Variants in TRNP1 observed in about 807,000 individuals in gnomAD.
The protein encoded by TRNP1 is TMF1 regulated nuclear protein 1.
TRNP1 carries 16 observed loss-of-function variants against 12.2 expected under a neutral mutation model. The observed-to-expected ratio is 1.31, with a 90% CI of 0.89 to 1.99. The LOEUF is 1.99. TRNP1 is among the 30% of genes most tolerant of loss of function. The probability of loss-of-function intolerance (pLI) is 0.00; values close to 1 mark genes in which losing one functional copy is unlikely to be tolerated. For missense variants in TRNP1, 338 were observed against 330.4 expected, an observed-to-expected ratio of 1.02 and a Z score of -0.18; for synonymous variants, 139 against 166.2, an observed-to-expected ratio of 0.84 and a Z score of 1.26.
At chr1:26,998,251 TTTGG>T (rs972655566) in intron 1 of TRNP1, among the ~76,000 whole-genome samples, 1 of 152,038 alleles carries the variant, frequency 6.6e-6, no homozygotes, top group Non-Finnish European at 1.5e-5. Context: ...AGGAAGCTCC[TTTGG>T]TTGGGCTGAG....
chr1:26,997,314 T>G (rs145712908), intron 1 of TRNP1, among the ~76,000 whole-genome samples: 1,120 of 74,564 alleles, frequency 0.015, 14 homozygotes, highest in African/African-American at 0.05. Context: ...AGACTGTGTC[T>G]CAAGAAAAAA....
At chr1:26,997,772 G>T (rs1346081299) in intron 1 of TRNP1, among the ~76,000 whole-genome samples, 2 of 152,144 alleles carry the variant, frequency 1.3e-5, no homozygotes, top group African/African-American at 4.8e-5. Flanking sequence ...TCTAATCTGG[G>T]ACCTGCCCCT....
At chr1:26,995,549 T>A (rs1216032489) in intron 1 of TRNP1, among the ~76,000 whole-genome samples, 1 of 152,232 alleles carries the variant, frequency 6.6e-6, no homozygotes, top group Non-Finnish European at 1.5e-5. Context: ...TCTCTTAACC[T>A]CCCAGAGGGG....
Position 26,994,626 on chromosome 1 carries a change from G to T in TRNP1, c.*142+14G>T. The T allele has an allele frequency of 4.2e-6, 2 of 472,000 alleles. No individual in the cohort carries two copies. Among genetic ancestry groups the T allele is most frequent in the Non-Finnish European group, 5.8e-6 (2 of 344,482 alleles). The allele number at this position is 472,000 out of a possible 1,614,324, so 29.2% of individuals were successfully genotyped here. A position where few individuals can be genotyped will look rare whatever the true frequency, so the allele number is the denominator to read the frequency against. On this transcript the variant is annotated intron_variant, in intron 1 of 1. Coordinates refer to ENST00000522111, the MANE Select transcript of TRNP1 (RefSeq NM_001013642.3). This position sits in a 1 kb window ranked among gnomAD's most constrained non-coding sequence, Gnocchi z 6.9. The stretch of plus-strand genomic sequence containing the variant: ...GAGGAGGCTGAGGTGCGGTCTTAGC[G>T]GCTGGTGCGTTCGAGGGTCGGTCAT...
chr1:26,998,096 G>C (rs1452091015), intron 1 of TRNP1, among the ~76,000 whole-genome samples: 1 of 152,024 alleles, frequency 6.6e-6, no homozygotes, highest in African/African-American at 2.4e-5. Flanking sequence ...TTTGAAAGGG[G>C]AGCAAGGCCG....
chr1:26,995,779 T>G (rs1325861539), intron 1 of TRNP1, among the ~76,000 whole-genome samples: 1 of 152,194 alleles, frequency 6.6e-6, no homozygotes, highest in Non-Finnish European at 1.5e-5. Flanking sequence ...TACAGGCATG[T>G]GCCACTATGC....
At chr1:26,997,795 C>T (rs1557699375) in intron 1 of TRNP1, among the ~76,000 whole-genome samples, 1 of 152,162 alleles carries the variant, frequency 6.6e-6, no homozygotes, top group Non-Finnish European at 1.5e-5. Context: ...ACTGGATAAC[C>T]ATGTGAGCGT....
chr1:26,994,421 C>T lies in TRNP1; in HGVS notation c.635C>T (p.Ser212Leu), dbSNP rs2082534850. The change falls in exon 1 of 2, where the codon TCG (serine) becomes TTG (leucine). Residue 212 changes from serine to leucine, a missense_variant. By Grantham distance (145) the Ser-to-Leu change is moderately radical. Coordinates refer to ENST00000522111, the MANE Select transcript of TRNP1 (RefSeq NM_001013642.3). The surrounding 1 kb of genome is among the most constrained non-coding windows in gnomAD (Gnocchi z 6.9). ...CGCGGCCACGGCCCCGAGCCCGACTCGCCCTTCCGCCGCAGCCCGCCCCGC... is the reference window on the plus strand; with the variant it reads ...CGCGGCCACGGCCCCGAGCCCGACTTGCCCTTCCGCCGCAGCCCGCCCCGC... ...LRRGHGPEPD[S>L]PFRRSPPRGP... The T allele has an allele frequency of 7.7e-6, 9 of 1,168,998 alleles. No homozygotes were observed. The highest frequency in any genetic ancestry group is 1.6e-5 in the African/African-American group (1 of 62,062). 72.4% of individuals were successfully genotyped at this position (1,168,998 alleles called of 1,614,324 possible). A position where few individuals can be genotyped will look rare whatever the true frequency, so the allele number is the denominator to read the frequency against.
chr1:26,993,732 T>A lies in TRNP1; in HGVS notation c.-55T>A. 1 of 1,262,788 alleles carries A rather than the reference T, an allele frequency of 7.9e-7. No homozygotes were observed. Among genetic ancestry groups the A allele is most frequent in the South Asian group, 2.6e-5 (1 of 38,320 alleles). The allele number at this position is 1,262,788 out of a possible 1,614,324, so 78.2% of individuals were successfully genotyped here. ...GCCGTGTCTAGCTGTTCGGGTGTGC[T>A]GTGGTCATCCTCCCTGCGCACCTAC... On this transcript the variant is annotated 5_prime_UTR_variant, in exon 1 of 2. Coordinates refer to ENST00000522111, the MANE Select transcript of TRNP1 (RefSeq NM_001013642.3).
At position 27,000,763 on chromosome 1, in the gene TRNP1, C is replaced by T. The variant is rs747860602; in HGVS notation, c.*1059C>T. On this transcript the variant is annotated 3_prime_UTR_variant, in exon 2 of 2. Transcript: ENST00000522111. The stretch of plus-strand genomic sequence containing the variant: ...TCCTGGAGCAGCTTGTATTTAGTTT[C>T]GTTTGGCAGTCTGGCCCTGTTGACT... The T allele has an allele frequency of 2.6e-5, 4 of 152,248 alleles. No homozygotes were observed. Among genetic ancestry groups the T allele is most frequent in the East Asian group, 3.9e-4 (2 of 5,186 alleles). 9.4% of individuals were successfully genotyped at this position (152,248 alleles called of 1,614,324 possible). A position where few individuals can be genotyped will look rare whatever the true frequency, so the allele number is the denominator to read the frequency against.
chr1:26,996,149 T>A (rs1164630269), intron 1 of TRNP1, among the ~76,000 whole-genome samples: 1 of 152,214 alleles, frequency 6.6e-6, no homozygotes, highest in African/African-American at 2.4e-5. Context: ...GTCTGCTCTG[T>A]GACTTAGAAC....
chr1:26,997,147 G>T (rs924475409), intron 1 of TRNP1, among the ~76,000 whole-genome samples: 1 of 151,798 alleles, frequency 6.6e-6, no homozygotes, highest in African/African-American at 2.4e-5. Context: ...GACCAGGCTG[G>T]CCAACATAGT....
chr1:26,997,097 G>A (rs925725167), intron 1 of TRNP1, among the ~76,000 whole-genome samples: 8 of 151,390 alleles, frequency 5.3e-5, no homozygotes, highest in Non-Finnish European at 1.0e-4. Context: ...AGCACTTTGG[G>A]AGGCCCACGA....
Position 27,000,465 on chromosome 1 carries a change from G to GC in TRNP1, c.*762dup, listed in dbSNP as rs1434184497. On this transcript the variant is annotated 3_prime_UTR_variant, in exon 2 of 2. Coordinates refer to ENST00000522111, the MANE Select transcript of TRNP1 (RefSeq NM_001013642.3). ...ACCTTTTTCTCAGGAAGAGGTGATG[G>GC]CAATGTAAAACATCTAAGCAAAGTT... 3 of 152,500 alleles carry GC rather than the reference G, an allele frequency of 2.0e-5. No homozygotes were observed. The highest frequency in any genetic ancestry group is 7.2e-5 in the African/African-American group (3 of 41,412). 9.4% of individuals were successfully genotyped at this position (152,500 alleles called of 1,614,324 possible). A position where few individuals can be genotyped will look rare whatever the true frequency, so the allele number is the denominator to read the frequency against.
chr1:26,993,754 C>T lies in TRNP1; in HGVS notation c.-33C>T. 2 of 1,287,274 alleles carry T rather than the reference C, an allele frequency of 1.6e-6. No homozygotes were observed. The highest frequency in any genetic ancestry group is 2.0e-6 in the Non-Finnish European group (2 of 1,018,620). The allele number at this position is 1,287,274 out of a possible 1,614,324, so 79.7% of individuals were successfully genotyped here. Reference sequence around the variant, plus strand: ...TGCTGTGGTCATCCTCCCTGCGCACCTACAGCCGCAGACCGCCGGTGGGGG... The same window carrying T: ...TGCTGTGGTCATCCTCCCTGCGCACTTACAGCCGCAGACCGCCGGTGGGGG... On this transcript the variant is annotated 5_prime_UTR_variant, in exon 1 of 2. Coordinates refer to ENST00000522111, the MANE Select transcript of TRNP1 (RefSeq NM_001013642.3).
At chr1:26,998,006 C>T (rs1375038573) in intron 1 of TRNP1, among the ~76,000 whole-genome samples, 2 of 152,090 alleles carry the variant, frequency 1.3e-5, no homozygotes, top group African/African-American at 4.8e-5. Context: ...GAGTGTAGTT[C>T]TGGGGATAGC....
rs1056718913 is a variant in TRNP1, at chr1:26,994,411, G to C, written c.625G>C (p.Glu209Gln). 73 of 1,152,316 alleles carry C rather than the reference G, an allele frequency of 6.3e-5. No individual in the cohort carries two copies. The highest frequency in any genetic ancestry group is 7.6e-5 in the Non-Finnish European group (71 of 937,766). The allele number at this position is 1,152,316 out of a possible 1,614,324, so 71.4% of individuals were successfully genotyped here. ...GCGACTGCGGCGCGGCCACGGCCCC[G>C]AGCCCGACTCGCCCTTCCGCCGCAG... Reference protein sequence around the residue: ...AGRLRRGHGPEPDSPFRRSPP... With the variant: ...AGRLRRGHGPQPDSPFRRSPP... The change falls in exon 1 of 2, where the codon GAG (glutamate) becomes CAG (glutamine). Residue 209 changes from glutamate to glutamine, a missense_variant. Coordinates refer to ENST00000522111, the MANE Select transcript of TRNP1 (RefSeq NM_001013642.3). This position sits in a 1 kb window ranked among gnomAD's most constrained non-coding sequence, Gnocchi z 6.9.
chr1:26,999,756 C>G (rs1351627223), intron 1 of TRNP1, 91 bp from the exon 2 acceptor site: 3 of 152,322 alleles, frequency 2.0e-5, no homozygotes, highest in Admixed American at 6.5e-5. Flanking sequence ...GCCCCCGCCC[C>G]CTTCAGGCAG....
At chr1:26,996,911 C>T (rs1000155928) in intron 1 of TRNP1, among the ~76,000 whole-genome samples, 3 of 152,068 alleles carry the variant, frequency 2.0e-5, no homozygotes, top group African/African-American at 7.2e-5. Flanking sequence ...GCTTCCTGGC[C>T]AGGGCACACA....
Sources: allele counts gnomAD v4.1 joint callset (sites outside exome capture counted in the v4.1 genomes callset), GRCh38; gene constraint gnomAD v4.1.1; non-coding constraint Gnocchi (gnomAD v3.1); transcripts MANE v1.5; gene names NCBI Gene and HGNC (gene_info 2026-07-23, HGNC 2026-07-21).